CHRM3: variants seen among roughly 807,000 people sequenced by gnomAD.
CHRM3 encodes the protein muscarinic acetylcholine receptor M3.
A neutral mutation model predicts 41.8 loss-of-function variants in CHRM3; 11 were observed. The ratio of observed to expected loss-of-function variants is 0.26; its 90% CI spans 0.17 to 0.44. The LOEUF (loss-of-function observed/expected upper bound fraction) is 0.44. Ranked by LOEUF, CHRM3 falls within the 20% of genes least tolerant of loss-of-function variation. The pLI is 1.00. For missense variants in CHRM3, 571 were observed against 745.4 expected, an observed-to-expected ratio of 0.77 and a Z score of 2.72; for synonymous variants, 297 against 301.4, an observed-to-expected ratio of 0.99 and a Z score of 0.15.
intron 1 of CHRM3, among the ~76,000 whole-genome samples, chr1:239,404,410 A>AAAGAAAGAAAGAAGGAAAG (rs1660343300): frequency 1.2e-4 from 6 of 51,754 alleles, no homozygotes; most frequent in African/African-American, 3.2e-4. Flanking sequence ...GAAAGAAAGA[A>AAAGAAAGAAAGAAGGAAAG]AAAGAAAGAA....
intron 2 of CHRM3, among the ~76,000 whole-genome samples, chr1:239,500,383 G>T (rs1186520190): frequency 1.3e-5 from 2 of 150,520 alleles, no homozygotes; most frequent in South Asian, 2.1e-4. Flanking sequence ...ACCAAACACC[G>T]CATGTTCTCA....
At chr1:239,669,016 T>C (rs889729164) in intron 4 of CHRM3, among the ~76,000 whole-genome samples, 2 of 152,192 alleles carry the variant, frequency 1.3e-5, no homozygotes, top group African/African-American at 4.8e-5. Context: ...CAATTTCTTT[T>C]CTGAGCGACT....
intron 3 of CHRM3, among the ~76,000 whole-genome samples, chr1:239,612,787 G>T (rs945088155): frequency 6.6e-6 from 1 of 152,152 alleles, no homozygotes; most frequent in African/African-American, 2.4e-5. Context: ...CCAAACAGCT[G>T]CGTAGAACTG....
At chr1:239,487,728 T>G (rs1324122112) in intron 1 of CHRM3, among the ~76,000 whole-genome samples, 1 of 151,966 alleles carries the variant, frequency 6.6e-6, no homozygotes, top group Non-Finnish European at 1.5e-5. Context: ...ATAGTATCAT[T>G]TTTTTCAATC....
At chr1:239,629,742 T>TA (rs1669588312) in intron 3 of CHRM3, among the ~76,000 whole-genome samples, 1 of 152,234 alleles carries the variant, frequency 6.6e-6, no homozygotes, top group South Asian at 2.1e-4. Context: ...TACCTTTTTT[T>TA]ATGGACATCA....
intron 5 of CHRM3, among the ~76,000 whole-genome samples, chr1:239,763,588 C>CA (rs948657347): frequency 2.0e-5 from 3 of 152,096 alleles, no homozygotes; most frequent in Non-Finnish European, 4.4e-5. Context: ...TTGAAAGCAT[C>CA]AAAGTGCTAT....
chr1:239,786,075 G>A (rs982028203), intron 5 of CHRM3, among the ~76,000 whole-genome samples: 1 of 152,036 alleles, frequency 6.6e-6, no homozygotes, highest in Non-Finnish European at 1.5e-5. Flanking sequence ...ATACTTTGAA[G>A]GGTTCCTCAG....
chr1:239,404,456 AAG>A (rs1391094411), intron 1 of CHRM3, among the ~76,000 whole-genome samples: 5 of 138,972 alleles, frequency 3.6e-5, no homozygotes, highest in African/African-American at 8.1e-5. Context: ...GAAAGAAAGA[AAG>A]AAAGAAAGAA....
intron 6 of CHRM3, among the ~76,000 whole-genome samples, chr1:239,841,452 G>A (rs1558170240): frequency 6.6e-6 from 1 of 152,158 alleles, no homozygotes; most frequent in African/African-American, 2.4e-5. Context: ...ACTTTCAGCT[G>A]TCTCTAAGGA....
rs567202967 is a variant in CHRM3 at position 239,394,335 on chromosome 1, CTCTGCTT to C, written c.-521+7109_-521+7115del. Among the ~76,000 whole-genome samples the C allele has an allele frequency of 2.6e-4, 40 of 152,324 alleles. No individual in the cohort carries two copies. The East Asian group carries it at 6.6e-3, about 25-fold the overall frequency. On this transcript the variant is annotated intron_variant, in intron 1 of 6. Coordinates refer to ENST00000676153, the MANE Select transcript of CHRM3 (RefSeq NM_001375978.1). ...TGACTTGTGAGCATATCATTCCAAT[CTCTGCTT>C]CTGTGGTCACGTTGCCTCCTCCACC...
chr1:239,416,377 G>A (rs757309863), intron 1 of CHRM3, among the ~76,000 whole-genome samples: 4 of 151,792 alleles, frequency 2.6e-5, no homozygotes, highest in East Asian at 1.9e-4. Flanking sequence ...TACTACTCTC[G>A]GTGGTAAAGA....
At chr1:239,660,477 T>A (rs1294802729) in intron 4 of CHRM3, among the ~76,000 whole-genome samples, 1 of 152,202 alleles carries the variant, frequency 6.6e-6, no homozygotes, top group Admixed American at 6.5e-5. Flanking sequence ...CGTATAAGTC[T>A]AAGAAAATTG....
intron 2 of CHRM3, among the ~76,000 whole-genome samples, chr1:239,495,149 C>T (rs1052110253): frequency 6.6e-6 from 1 of 152,124 alleles, no homozygotes; most frequent in Non-Finnish European, 1.5e-5. Flanking sequence ...TACAACTTTT[C>T]AAAATTCACA....
intron 5 of CHRM3, among the ~76,000 whole-genome samples, chr1:239,752,155 A>C (rs111899080): frequency 0.02 from 2,992 of 152,294 alleles, 90 homozygotes; most frequent in African/African-American, 0.065. Context: ...AAAAGGCAAA[A>C]GAATATGGAG....
At chr1:239,502,570 G>A (rs184182098) in intron 2 of CHRM3, among the ~76,000 whole-genome samples, 1 of 152,106 alleles carries the variant, frequency 6.6e-6, no homozygotes, top group African/African-American at 2.4e-5. Flanking sequence ...AGGAACCCTC[G>A]CTAATTCATT....
chr1:239,475,441 A>G (rs1190995744), intron 1 of CHRM3, among the ~76,000 whole-genome samples: 1 of 152,142 alleles, frequency 6.6e-6, no homozygotes, highest in Non-Finnish European at 1.5e-5. Context: ...AATTCCAATC[A>G]TGAGTAGTGA....
chr1:239,470,946 T>G (rs1417769952), intron 1 of CHRM3, among the ~76,000 whole-genome samples: 1 of 152,240 alleles, frequency 6.6e-6, no homozygotes, highest in Non-Finnish European at 1.5e-5. Context: ...TAAAGAGGCT[T>G]TAATTTTTTC....
chr1:239,480,616 G>C (rs1413726965), intron 1 of CHRM3, among the ~76,000 whole-genome samples: 3 of 145,476 alleles, frequency 2.1e-5, no homozygotes, highest in African/African-American at 7.9e-5. Context: ...GAGTGCAGTG[G>C]CACGATCTTG....
Position 239,761,667 on chromosome 1 carries a change from G to A in CHRM3, c.-146-65585G>A, listed in dbSNP as rs188052014. On this transcript the variant is annotated intron_variant, in intron 5 of 6. Coordinates refer to ENST00000676153, the MANE Select transcript of CHRM3 (RefSeq NM_001375978.1). ...GAGTGCTCGGCCAGATGCCTCATGCGCTAGGGGGCCTTTTCACTCTGGCTG... is the reference window on the plus strand; with the variant it reads ...GAGTGCTCGGCCAGATGCCTCATGCACTAGGGGGCCTTTTCACTCTGGCTG... Among the ~76,000 whole-genome samples the A allele has an allele frequency of 8.5e-3, 1,294 of 152,238 alleles. 24 individuals are homozygous for A. Among genetic ancestry groups the A allele is most frequent in the African/African-American group, 0.029 (1,203 of 41,542 alleles).
Sources: gnomAD v4.1 joint callset for allele counts (sites outside exome capture counted in the v4.1 genomes callset) on GRCh38, gnomAD v4.1.1 for gene constraint, MANE v1.5 for transcripts, NCBI Gene and HGNC (gene_info 2026-07-23, HGNC 2026-07-21) for gene names.